The following NDNF variants were observed in gnomAD, a reference collection of about 807,000 sequenced individuals.
NDNF encodes protein NDNF.
NDNF carries 16 observed loss-of-function variants against 42.0 expected under a neutral mutation model. That is an observed-to-expected ratio of 0.38 (90% CI 0.26 to 0.58). NDNF has a LOEUF of 0.58. Ranked by LOEUF, NDNF falls within the 20% of genes least tolerant of loss-of-function variation. The pLI is 0.67. For synonymous variants in NDNF, 248 were observed against 251.7 expected, an observed-to-expected ratio of 0.99 and a Z score of 0.14; for missense variants, 616 against 666.2, an observed-to-expected ratio of 0.92 and a Z score of 0.83.
rs561208343 is a variant in NDNF at position 121,036,880 on chromosome 4, C to T, written c.1091G>A (p.Arg364Gln). 10 of 1,613,840 alleles carry T rather than the reference C, an allele frequency of 6.2e-6. No individual in the cohort carries two copies. Among genetic ancestry groups the T allele is most frequent in the African/African-American group, 2.7e-5 (2 of 74,846 alleles). Residue 364 changes from arginine (R) to glutamine (Q), a missense_variant, in exon 4 of 4, where the codon CGG becomes CAG. Arg to Gln is a conservative substitution (Grantham distance 43). Coordinates refer to ENST00000379692, the MANE Select transcript of NDNF (RefSeq NM_024574.4). ...TTGGTGAGAAGAGACTGGAGCAAAC[C>T]GTAGAAACTTTGCTCCCTTCCTTTT... ...FVKRKGAKFL[R>Q]FAPVSSHQKV...
At chr4:121,062,523 T>G (rs1727429364) in intron 1 of NDNF, among the ~76,000 whole-genome samples, 1 of 152,218 alleles carries the variant, frequency 6.6e-6, no homozygotes, top group African/African-American at 2.4e-5. Flanking sequence ...GATCCCACAG[T>G]CATTTTCAAT....
intron 1 of NDNF, among the ~76,000 whole-genome samples, chr4:121,057,075 T>C (rs1727308770): frequency 6.6e-6 from 1 of 152,138 alleles, no homozygotes; most frequent in African/African-American, 2.4e-5. Flanking sequence ...TCGTAGAGCT[T>C]ATACTCAGTG....
chr4:121,044,829 G>T (rs1727059640), intron 2 of NDNF, among the ~76,000 whole-genome samples: 1 of 152,088 alleles, frequency 6.6e-6, no homozygotes. Context: ...TGAGGGGAAA[G>T]GTGGCACACA....
At chr4:121,045,937 A>T (rs1344116648) in intron 1 of NDNF, 99 bp from the exon 2 acceptor site, 8 of 1,094,116 alleles carry the variant, frequency 7.3e-6, no homozygotes, top group Non-Finnish European at 1.0e-5. Context: ...GCTTTGATGG[A>T]AATTTAGGGA....
intron 1 of NDNF, among the ~76,000 whole-genome samples, chr4:121,048,912 CT>C (rs1727142208): frequency 6.6e-6 from 1 of 152,152 alleles, no homozygotes; most frequent in African/African-American, 2.4e-5. Context: ...AGGCATTCTT[CT>C]AAGTTCTTTA....
At chr4:121,058,129 G>A (rs557587010) in intron 1 of NDNF, among the ~76,000 whole-genome samples, 1 of 152,102 alleles carries the variant, frequency 6.6e-6, no homozygotes, top group Admixed American at 6.5e-5. Flanking sequence ...TCCCTACATA[G>A]CTGTTTTTAG....
intron 1 of NDNF, among the ~76,000 whole-genome samples, chr4:121,066,351 G>A (rs1727499330): frequency 6.6e-6 from 1 of 152,068 alleles, no homozygotes; most frequent in African/African-American, 2.4e-5. Flanking sequence ...TTCAATTACA[G>A]GATCCAGCAG....
At position 121,035,796 on chromosome 4, in the gene NDNF, T is replaced by G. The variant is rs1176083886; in HGVS notation, c.*468A>C. The G allele has an allele frequency of 2.0e-5, 3 of 152,830 alleles. No individual in the cohort carries two copies. The highest frequency in any genetic ancestry group is 6.5e-5 in the Admixed American group (1 of 15,270). The allele number at this position is 152,830 out of a possible 1,614,324, so 9.5% of individuals were successfully genotyped here. A position where few individuals can be genotyped will look rare whatever the true frequency, so the allele number is the denominator to read the frequency against. The stretch of plus-strand genomic sequence containing the variant: ...AACTTAATAATACTTAGATTAGATC[T>G]GTACTTTAATAGGAAAAGAATTTAA... On this transcript the variant is annotated 3_prime_UTR_variant, in exon 4 of 4. Transcript: ENST00000379692.
At chr4:121,069,343 G>A (rs1178298872) in intron 1 of NDNF, among the ~76,000 whole-genome samples, 3 of 152,140 alleles carry the variant, frequency 2.0e-5, no homozygotes, top group Non-Finnish European at 2.9e-5. Flanking sequence ...GGCTTCTCTT[G>A]TCCTTAGAAG....
At chr4:121,038,354 A>G (rs907944104) in intron 3 of NDNF, among the ~76,000 whole-genome samples, 1 of 128,538 alleles carries the variant, frequency 7.8e-6, no homozygotes, top group Non-Finnish European at 1.7e-5. Flanking sequence ...CCTGTCTCAA[A>G]ATAAGATAAA....
At chr4:121,059,447 T>C (rs548176247) in intron 1 of NDNF, among the ~76,000 whole-genome samples, 2 of 152,344 alleles carry the variant, frequency 1.3e-5, no homozygotes, top group Non-Finnish European at 2.9e-5. Flanking sequence ...GCTAAACTTA[T>C]ATATAATAGG....
intron 2 of NDNF, 85 bp from the exon 3 acceptor site, chr4:121,040,139 A>AC: frequency 7.7e-7 from 1 of 1,306,620 alleles, no homozygotes; most frequent in Non-Finnish European, 1.0e-6. Context: ...ATTTGGTTTT[A>AC]ATTTTTTTTT....
rs1331617917 is a variant in NDNF at position 121,039,803 on chromosome 4, T to G, written c.313+127A>C. ...CCCTCCCACTTCCCTTATCTCCGTC[T>G]CATACCTCCAGATTCACTTGTGCAC... On this transcript the variant is annotated intron_variant, in intron 3 of 3. Coordinates refer to ENST00000379692, the MANE Select transcript of NDNF (RefSeq NM_024574.4). The G allele has an allele frequency of 9.3e-6, 10 of 1,069,786 alleles. No individual in the cohort carries two copies. The African/African-American group carries it at 9.6e-5, about 10-fold the overall frequency. 66.3% of individuals were successfully genotyped at this position (1,069,786 alleles called of 1,614,324 possible). A position where few individuals can be genotyped will look rare whatever the true frequency, so the allele number is the denominator to read the frequency against.
At chr4:121,039,202 A>G (rs369455549) in intron 3 of NDNF, among the ~76,000 whole-genome samples, 15 of 27,750 alleles carry the variant, frequency 5.4e-4, no homozygotes, top group Non-Finnish European at 1.3e-3. Flanking sequence ...GTATATATAT[A>G]TATATATATA....
intron 3 of NDNF, chr4:121,037,927 G>T: frequency 2.9e-6 from 1 of 341,436 alleles, no homozygotes; most frequent in Non-Finnish European, 5.3e-6. Flanking sequence ...GTAAACTTTT[G>T]AGACATTATT....
At position 121,037,098 on chromosome 4, in the gene NDNF, G is replaced by C; in HGVS notation, c.873C>G (p.Ile291Met). Residue 291 changes from isoleucine to methionine, a missense_variant, in exon 4 of 4, where the codon ATC becomes ATG. Ile to Met is a conservative substitution (Grantham distance 10, BLOSUM62 1). Coordinates refer to ENST00000379692, the MANE Select transcript of NDNF (RefSeq NM_024574.4). ...TGAAGATGTTCTTGTTTCCTATGCA[G>C]ATTTTCTGAATATCAACCTTGGGCC... ...YSRPKVDIQKICIGNKNIFTV... is the reference protein window; with the variant it reads ...YSRPKVDIQKMCIGNKNIFTV... 6.2e-7 allele frequency: 1 copy of C among 1,613,872 alleles called. No individual in the cohort carries two copies. The highest frequency in any genetic ancestry group is 8.5e-7 in the Non-Finnish European group (1 of 1,179,998).
intron 2 of NDNF, among the ~76,000 whole-genome samples, chr4:121,045,244 C>G (rs891581090): frequency 1.3e-5 from 2 of 151,604 alleles, no homozygotes; most frequent in Admixed American, 1.3e-4. Context: ...CCCAGCTACT[C>G]GGGAGGCTGA....
At chr4:121,052,373 T>C (rs1727213550) in intron 1 of NDNF, among the ~76,000 whole-genome samples, 1 of 152,220 alleles carries the variant, frequency 6.6e-6, no homozygotes, top group Non-Finnish European at 1.5e-5. Context: ...AGCAAATGTA[T>C]AGAGAATAAA....
At chr4:121,061,638 T>C (rs1302113398) in intron 1 of NDNF, among the ~76,000 whole-genome samples, 6 of 152,222 alleles carry the variant, frequency 3.9e-5, no homozygotes, top group African/African-American at 1.4e-4. Flanking sequence ...CTGAATTTAT[T>C]TTTTGGTCTG....
Sources: allele counts gnomAD v4.1 joint callset (sites outside exome capture counted in the v4.1 genomes callset), GRCh38; gene constraint gnomAD v4.1.1; transcripts MANE v1.5; gene names NCBI Gene and HGNC (gene_info 2026-07-23, HGNC 2026-07-21).